AHI1: variants seen among roughly 807,000 people sequenced by gnomAD.
AHI1 encodes the protein jouberin.
In AHI1, 123 loss-of-function variants were observed where a neutral mutation model predicts 149.3. The observed-to-expected ratio is 0.82, with a 90% CI of 0.71 to 0.96. AHI1 has a LOEUF of 0.96. Ranked by LOEUF, AHI1 falls within the 40% of genes least tolerant of loss-of-function variation. AHI1 has a pLI of 0.00. For missense variants in AHI1, 1,439 were observed against 1,422.7 expected (o/e 1.01, Z -0.18); for synonymous variants, 475 against 459.8 (o/e 1.03, Z -0.42).
chr6:135,490,057 CTT>C, intron 5 of AHI1: 1 of 650,818 alleles, frequency 1.5e-6, no homozygotes, highest in South Asian at 1.8e-5. Flanking sequence ...AATACAGACT[CTT>C]TATGATTCCA....
chr6:135,411,398 T>A lies in AHI1; in HGVS notation c.2911A>T (p.Ser971Cys). The change falls in exon 21 of 29, where the codon AGT becomes TGT. Residue 971 changes from serine to cysteine, a missense_variant. By Grantham distance (112) the Ser-to-Cys change is moderately radical. Transcript: ENST00000265602. ...ACTAGCTGCATCTTCGTTGAAGAAC[T>A]TTCAGTGTGGACAAATTCATCAATC... Reference protein sequence around the residue: ...FQIDEFVHTESSSTKMQLVKQ... With the variant: ...FQIDEFVHTECSSTKMQLVKQ... 1 of 1,613,854 alleles carries A rather than the reference T, an allele frequency of 6.2e-7. No homozygotes were observed. The highest frequency in any genetic ancestry group is 8.5e-7 in the Non-Finnish European group (1 of 1,179,778).
intron 20 of AHI1, among the ~76,000 whole-genome samples, chr6:135,422,716 C>T (rs905702147): frequency 6.6e-6 from 1 of 151,414 alleles, no homozygotes; most frequent in Non-Finnish European, 1.5e-5. Flanking sequence ...TCTCAAACTC[C>T]TGGCCTCAAG....
intron 11 of AHI1, among the ~76,000 whole-genome samples, chr6:135,450,101 G>C (rs1787869747): frequency 6.6e-6 from 1 of 152,050 alleles, no homozygotes; most frequent in South Asian, 2.1e-4. Context: ...AAGAAAAGTG[G>C]GTTAAAGATG....
intron 5 of AHI1, among the ~76,000 whole-genome samples, chr6:135,487,202 A>G (rs566446018): frequency 6.6e-6 from 1 of 152,052 alleles, no homozygotes; most frequent in Non-Finnish European, 1.5e-5. Flanking sequence ...AACTCACTTA[A>G]TTTTTTTAAC....
intron 21 of AHI1, among the ~76,000 whole-genome samples, chr6:135,407,893 G>C (rs986885562): frequency 6.6e-6 from 1 of 151,912 alleles, no homozygotes; most frequent in African/African-American, 2.4e-5. Flanking sequence ...AAATTAATCG[G>C]GCGTGGTGGC....
At chr6:135,303,493 T>C (rs1246786415) in intron 26 of AHI1, among the ~76,000 whole-genome samples, 1 of 151,972 alleles carries the variant, frequency 6.6e-6, no homozygotes, top group Non-Finnish European at 1.5e-5. Flanking sequence ...GTTCAATTCT[T>C]GTCTTGGTTC....
Position 135,394,766 on chromosome 6 carries a change from A to G in AHI1, c.3109+10T>C, listed in dbSNP as rs776053805. The stretch of plus-strand genomic sequence containing the variant: ...TTTAAAAGAATTGTCAAAGTAAGAA[A>G]GGGGCTCACCGGTCTGAGTGAAACC... On this transcript the variant is annotated intron_variant, in intron 23 of 28. Coordinates refer to ENST00000265602, the MANE Select transcript of AHI1 (RefSeq NM_001134831.2). 6.2e-7 allele frequency: 1 copy of G among 1,609,954 alleles called. No homozygotes were observed. Among genetic ancestry groups the G allele is most frequent in the Non-Finnish European group, 8.5e-7 (1 of 1,177,678 alleles).
chr6:135,364,655 C>T (rs1201192703), intron 23 of AHI1, among the ~76,000 whole-genome samples: 1 of 152,072 alleles, frequency 6.6e-6, no homozygotes, highest in Admixed American at 6.5e-5. Flanking sequence ...CTCGGGAGGC[C>T]GAGGCTGGCG....
chr6:135,466,485 G>A, intron 6 of AHI1, 112 bp from the exon 7 acceptor site: 2 of 1,015,760 alleles, frequency 2.0e-6, no homozygotes, highest in Non-Finnish European at 2.9e-6. Flanking sequence ...GGATTATTTA[G>A]TTTTTCATCT....
chr6:135,471,703 C>T (rs1035806900), intron 5 of AHI1, among the ~76,000 whole-genome samples: 1 of 151,988 alleles, frequency 6.6e-6, no homozygotes, highest in Non-Finnish European at 1.5e-5. Flanking sequence ...CTATTAAAAT[C>T]AGCTTTATTA....
chr6:135,328,069 C>T (rs963009632), intron 24 of AHI1, among the ~76,000 whole-genome samples: 2 of 152,102 alleles, frequency 1.3e-5, no homozygotes, highest in African/African-American at 4.8e-5. Context: ...GTTCTGGAAG[C>T]CTGTACTTGT....
intron 20 of AHI1, among the ~76,000 whole-genome samples, chr6:135,414,263 T>C (rs750644736): frequency 2.6e-4 from 39 of 152,172 alleles, no homozygotes; most frequent in Non-Finnish European, 4.9e-4. Context: ...AAAAATGAAC[T>C]TTGATCCATA....
Position 135,412,068 on chromosome 6 carries a change from C to T in AHI1, c.2765-524G>A, listed in dbSNP as rs576042801. On this transcript the variant is annotated intron_variant, in intron 20 of 28. Transcript: ENST00000265602. ...TACAGTATCTCATTTAATGAAGCAC[C>T]GTAATTTTTTTTTTACACATTCTCT... 3.0e-4 allele frequency among the ~76,000 whole-genome samples: 46 copies of T among 151,816 alleles called. 2 individuals carry two copies. In the South Asian group the frequency reaches 8.4e-3, roughly 28 times the overall value.
intron 26 of AHI1, among the ~76,000 whole-genome samples, chr6:135,316,801 A>G (rs1372503510): frequency 6.6e-6 from 1 of 151,976 alleles, no homozygotes; most frequent in Non-Finnish European, 1.5e-5. Context: ...CATTCTCTCA[A>G]ATTCCAATCC....
chr6:135,340,505 T>G (rs1266091413), intron 24 of AHI1, among the ~76,000 whole-genome samples: 2 of 151,532 alleles, frequency 1.3e-5, no homozygotes. Flanking sequence ...GAGAGTTTGT[T>G]GCTTGTGGAC....
At chr6:135,301,456 A>C (rs1783873304) in intron 26 of AHI1, 1 of 985,326 alleles carries the variant, frequency 1.0e-6, no homozygotes, top group Non-Finnish European at 1.2e-6. Context: ...TGTTATCTCT[A>C]CTGAAGCTTG....
intron 22 of AHI1, among the ~76,000 whole-genome samples, chr6:135,401,284 T>G (rs1779990458): frequency 6.6e-6 from 1 of 152,228 alleles, no homozygotes; most frequent in South Asian, 2.1e-4. Flanking sequence ...TATCTGAAAC[T>G]ACCTTATTTG....
intron 27 of AHI1, among the ~76,000 whole-genome samples, chr6:135,296,697 C>T (rs929856853): frequency 1.3e-5 from 2 of 152,168 alleles, no homozygotes; most frequent in African/African-American, 4.8e-5. Flanking sequence ...TTCCCCTACC[C>T]ATGCTTTATT....
At chr6:135,381,808 A>G (rs766067486) in intron 23 of AHI1, among the ~76,000 whole-genome samples, 5 of 152,222 alleles carry the variant, frequency 3.3e-5, no homozygotes, top group Non-Finnish European at 7.3e-5. Flanking sequence ...CTCCCCAGAT[A>G]GACTGGAAAG....
Sources: allele counts gnomAD v4.1 joint callset (sites outside exome capture counted in the v4.1 genomes callset), GRCh38; gene constraint gnomAD v4.1.1; transcripts MANE v1.5; gene names NCBI Gene and HGNC (gene_info 2026-07-23, HGNC 2026-07-21).